EEF2K: variants seen among roughly 807,000 people sequenced by gnomAD.
The protein encoded by EEF2K is alternative protein EEF2K.
In EEF2K, 70 loss-of-function variants were observed where a neutral mutation model predicts 93.8. The observed-to-expected ratio is 0.75, with a 90% CI of 0.62 to 0.91. The LOEUF is 0.91. Ranked by LOEUF, EEF2K falls within the 40% of genes least tolerant of loss-of-function variation. The pLI is 0.00. For synonymous variants in EEF2K, 376 were observed against 380.8 expected, an observed-to-expected ratio of 0.99 and a Z score of 0.15; for missense variants, 935 against 972.9, an observed-to-expected ratio of 0.96 and a Z score of 0.52.
At chr16:22,250,060 G>C (rs1050683406) in intron 4 of EEF2K, among the ~76,000 whole-genome samples, 4 of 151,792 alleles carry the variant, frequency 2.6e-5, no homozygotes, top group Non-Finnish European at 5.9e-5. Context: ...GGGATTACAG[G>C]CATGAACCAC....
chr16:22,263,740 G>A (rs1259870980), intron 12 of EEF2K, among the ~76,000 whole-genome samples: 4 of 152,230 alleles, frequency 2.6e-5, no homozygotes, highest in Non-Finnish European at 4.4e-5. Flanking sequence ...AAATCTTATG[G>A]TGAAGTGGGA....
intron 17 of EEF2K, among the ~76,000 whole-genome samples, chr16:22,283,514 A>T (rs2047718673): frequency 6.6e-6 from 1 of 152,162 alleles, no homozygotes; most frequent in Non-Finnish European, 1.5e-5. Flanking sequence ...TTAGTTCTGC[A>T]AAAGTTCTCA....
rs752609933 is a variant in EEF2K, at chr16:22,251,132, C to G, written c.447-19C>G. The G allele has an allele frequency of 1.2e-6, 2 of 1,608,732 alleles. No individual in the cohort carries two copies. The highest frequency in any genetic ancestry group is 1.7e-6 in the Non-Finnish European group (2 of 1,177,236). On this transcript the variant is annotated intron_variant, in intron 5 of 17. Coordinates refer to ENST00000263026, the MANE Select transcript of EEF2K (RefSeq NM_013302.5). The stretch of plus-strand genomic sequence containing the variant: ...ACCCCAGAGTACCCAGGTAGGCCCC[C>G]TGTTGCCTCTTCCCACAGGAAGAAG...
rs751431906 is a variant in EEF2K at position 22,263,153 on chromosome 16, G to A, written c.1343G>A (p.Arg448Gln). ...GACAGCGGATACCCCAGTGAGAAGC[G>A]GGGTGAGCTGGATGACCCTGAGCCC... ...SGDSGYPSEK[R>Q]GELDDPEPRE... The change falls in exon 12 of 18, where the codon CGG becomes CAG. Residue 448 changes from arginine (R) to glutamine (Q), a missense_variant. Coordinates refer to ENST00000263026, the MANE Select transcript of EEF2K (RefSeq NM_013302.5). 1.2e-5 allele frequency: 20 copies of A among 1,612,470 alleles called. No homozygotes were observed. In the East Asian group the frequency reaches 2.2e-4, roughly 18 times the overall value.
intron 1 of EEF2K, among the ~76,000 whole-genome samples, chr16:22,214,484 C>T (rs114539171): frequency 0.11 from 17,147 of 151,480 alleles, 1,161 homozygotes; most frequent in East Asian, 0.29. Flanking sequence ...TGTAGGGAGA[C>T]GCCCATCTCT....
chr16:22,207,418 A>G (rs1187817089), intron 1 of EEF2K, among the ~76,000 whole-genome samples: 1 of 152,106 alleles, frequency 6.6e-6, no homozygotes. Context: ...AGCAGGAAAC[A>G]CTAGGGCTGG....
At chr16:22,240,823 G>A (rs2047214455) in intron 2 of EEF2K, among the ~76,000 whole-genome samples, 2 of 152,148 alleles carry the variant, frequency 1.3e-5, no homozygotes, top group Non-Finnish European at 2.9e-5. Context: ...AGGCTGGAGT[G>A]TAGTTGTGCT....
chr16:22,253,802 A>T (rs1280501924), intron 6 of EEF2K, among the ~76,000 whole-genome samples: 2 of 151,996 alleles, frequency 1.3e-5, no homozygotes, highest in Non-Finnish European at 2.9e-5. Flanking sequence ...GTGTCCAGTA[A>T]ATAATACTGT....
chr16:22,254,437 A>G (rs1004320772), intron 6 of EEF2K, among the ~76,000 whole-genome samples: 1 of 152,040 alleles, frequency 6.6e-6, no homozygotes, highest in Non-Finnish European at 1.5e-5. Context: ...TGTTGTCTGC[A>G]TGTCTGGTGA....
intron 2 of EEF2K, among the ~76,000 whole-genome samples, chr16:22,240,605 G>A (rs189376288): frequency 1.3e-5 from 2 of 152,170 alleles, no homozygotes; most frequent in Non-Finnish European, 2.9e-5. Context: ...ATACCTTAAG[G>A]TACATTTATA....
intron 1 of EEF2K, 51 bp downstream of exon 1, chr16:22,206,730 TGCAGGCCTGTGC>T (rs1400586117): frequency 6.6e-6 from 1 of 152,640 alleles, no homozygotes; most frequent in Non-Finnish European, 1.5e-5. Flanking sequence ...GAGCCCGCGC[TGCAGGCCTGTGC>T]GCCCGGGTGC....
intron 4 of EEF2K, 68 bp downstream of exon 4, chr16:22,248,883 G>A: frequency 6.6e-7 from 1 of 1,525,316 alleles, no homozygotes; most frequent in Admixed American, 1.8e-5. Flanking sequence ...ACTTTGGTCT[G>A]TGCACCCTTC....
At chr16:22,267,891 G>A (rs1199878738) in intron 15 of EEF2K, among the ~76,000 whole-genome samples, 1 of 152,204 alleles carries the variant, frequency 6.6e-6, no homozygotes, top group African/African-American at 2.4e-5. Context: ...GCAAGGCCCA[G>A]GCAAAGTGAT....
intron 15 of EEF2K, among the ~76,000 whole-genome samples, chr16:22,273,068 A>G (rs986821996): frequency 6.6e-6 from 1 of 152,200 alleles, no homozygotes; most frequent in Non-Finnish European, 1.5e-5. Context: ...TCACCCAGAA[A>G]AGAATTCAAG....
At chr16:22,222,138 A>G (rs2047019559) in intron 1 of EEF2K, among the ~76,000 whole-genome samples, 1 of 152,186 alleles carries the variant, frequency 6.6e-6, no homozygotes, top group East Asian at 1.9e-4. Flanking sequence ...CGAGTGCTGT[A>G]CAGTTCCTGT....
chr16:22,215,873 C>T (rs1040307427), intron 1 of EEF2K, among the ~76,000 whole-genome samples: 18 of 152,194 alleles, frequency 1.2e-4, no homozygotes, highest in Admixed American at 1.2e-3. Context: ...TGCAGTAAGC[C>T]GAGATCACGC....
At chr16:22,216,406 T>C (rs988010221) in intron 1 of EEF2K, among the ~76,000 whole-genome samples, 2 of 152,148 alleles carry the variant, frequency 1.3e-5, no homozygotes, top group Non-Finnish European at 2.9e-5. Flanking sequence ...CTTTCTTATT[T>C]CCATAGAAAT....
chr16:22,283,023 A>T (rs2047711151), intron 17 of EEF2K, among the ~76,000 whole-genome samples: 1 of 152,200 alleles, frequency 6.6e-6, no homozygotes. Context: ...GAATAATGCA[A>T]ATCTAGGCTG....
Position 22,228,048 on chromosome 16 carries a change from C to G in EEF2K, c.246+2073C>G, listed in dbSNP as rs149428463. 6.1e-5 allele frequency among the ~76,000 whole-genome samples: 7 copies of G among 114,868 alleles called. No homozygotes were observed. In the East Asian group the frequency reaches 2.2e-3, roughly 36 times the overall value. 75.4% of individuals were successfully genotyped at this position (114,868 alleles called of 152,430 possible). A position where few individuals can be genotyped will look rare whatever the true frequency, so the allele number is the denominator to read the frequency against. On this transcript the variant is annotated intron_variant, in intron 2 of 17. Transcript: ENST00000263026. ...TTTTTTTTTGAGATGGAGTCTCACT[C>G]TGTCGCCCAGGCTGGAGTGCAGTGG...
Sources: gnomAD v4.1 joint callset for allele counts (sites outside exome capture counted in the v4.1 genomes callset) on GRCh38, gnomAD v4.1.1 for gene constraint, MANE v1.5 for transcripts, NCBI Gene and HGNC (gene_info 2026-07-23, HGNC 2026-07-21) for gene names.